KLRD1: variants seen among roughly 807,000 people sequenced by gnomAD.
KLRD1 encodes the protein natural killer cells antigen CD94.
In KLRD1, 21 loss-of-function variants were observed where a neutral mutation model predicts 22.6. The observed-to-expected ratio is 0.93, with a 90% CI of 0.66 to 1.34. The LOEUF (loss-of-function observed/expected upper bound fraction) is 1.34, where lower values mean the gene tolerates loss of function less well. Ranked by LOEUF, KLRD1 falls within the 40% of genes most tolerant of loss-of-function variation. The pLI is 0.00. For missense variants in KLRD1, 183 were observed against 208.6 expected (o/e 0.88, Z 0.76); for synonymous variants, 59 against 71.1 (o/e 0.83, Z 0.85).
intron 1 of KLRD1, among the ~76,000 whole-genome samples, chr12:10,254,908 A>C (rs1949380490): frequency 1.4e-5 from 2 of 145,692 alleles, no homozygotes; most frequent in South Asian, 4.4e-4. Flanking sequence ...AAATAAATTA[A>C]AAAAAAAAAA....
intron 1 of KLRD1, among the ~76,000 whole-genome samples, chr12:10,265,944 A>C (rs2137636964): frequency 6.6e-6 from 1 of 152,326 alleles, no homozygotes; most frequent in South Asian, 2.1e-4. Context: ...ATACTGTAAA[A>C]AGTGAAGAAC....
intron 1 of KLRD1, among the ~76,000 whole-genome samples, chr12:10,247,528 T>C (rs77365883): frequency 0.051 from 7,787 of 152,224 alleles, 675 homozygotes; most frequent in African/African-American, 0.17. Flanking sequence ...TTAAGACTTA[T>C]TCATTTTTAT....
At chr12:10,239,519 CTTTCTT>C in intron 1 of KLRD1, among the ~76,000 whole-genome samples, 1 of 7,718 alleles carries the variant, frequency 1.3e-4, no homozygotes, top group South Asian at 0.014. Flanking sequence ...CTTCCCTCCC[CTTTCTT>C]TCTTTCTTTC....
At chr12:10,254,617 G>A (rs994546272) in intron 1 of KLRD1, among the ~76,000 whole-genome samples, 1 of 151,938 alleles carries the variant, frequency 6.6e-6, no homozygotes, top group Non-Finnish European at 1.5e-5. Flanking sequence ...GGCTGGGCGT[G>A]GTGGCTCACA....
intron 1 of KLRD1, chr12:10,308,573 T>G (rs1949977271): frequency 6.4e-6 from 1 of 157,288 alleles, no homozygotes; most frequent in Non-Finnish European, 1.4e-5. Flanking sequence ...ATGTTTTAGG[T>G]GAAAGGCCTA....
At chr12:10,287,941 G>T (rs1055910331) in intron 1 of KLRD1, among the ~76,000 whole-genome samples, 1 of 151,958 alleles carries the variant, frequency 6.6e-6, no homozygotes, top group Non-Finnish European at 1.5e-5. Flanking sequence ...GGTGGCGGGC[G>T]CCTGTAGTCC....
intron 1 of KLRD1, among the ~76,000 whole-genome samples, chr12:10,259,117 A>G (rs546428424): frequency 6.6e-6 from 1 of 152,342 alleles, no homozygotes; most frequent in East Asian, 1.9e-4. Context: ...ATCCACCCTG[A>G]GTAACCCATG....
Position 10,321,548 on chromosome 12 carries a change from A to G in KLRD1, c.*6755A>G, listed in dbSNP as rs1356437062. The G allele has an allele frequency of 6.6e-6, 1 of 152,226 alleles. No individual in the cohort carries two copies. Among genetic ancestry groups the G allele is most frequent in the East Asian group, 1.9e-4 (1 of 5,202 alleles). The allele number at this position is 152,226 out of a possible 1,614,324, so 9.4% of individuals were successfully genotyped here. ...GAATTTAACCCTTTTGATATAATCAATTACATTGTATAAGGGTTGATCACT... is the reference window on the plus strand; with the variant it reads ...GAATTTAACCCTTTTGATATAATCAGTTACATTGTATAAGGGTTGATCACT... On this transcript the variant is annotated 3_prime_UTR_variant, in exon 6 of 6. Transcript: ENST00000336164.
At chr12:10,264,020 A>G (rs894792161) in intron 1 of KLRD1, among the ~76,000 whole-genome samples, 2 of 152,132 alleles carry the variant, frequency 1.3e-5, no homozygotes, top group African/African-American at 4.8e-5. Flanking sequence ...TTCAAAATGA[A>G]CTAATGAGAA....
rs1417744923 is a variant in KLRD1, at chr12:10,315,571, G to GT, written c.*782dup. On this transcript the variant is annotated 3_prime_UTR_variant, in exon 6 of 6. Transcript: ENST00000336164. ...ATTGCACTTTCTGGAGATTTGTAAT[G>GT]TTTTGGTTTTGTTGTCCATGTGACT... 6.5e-6 allele frequency: 1 copy of GT among 153,912 alleles called. No individual in the cohort carries two copies. Among genetic ancestry groups the GT allele is most frequent in the Non-Finnish European group, 1.4e-5 (1 of 69,156 alleles). The allele number at this position is 153,912 out of a possible 1,614,324, so 9.5% of individuals were successfully genotyped here. A position where few individuals can be genotyped will look rare whatever the true frequency, so the allele number is the denominator to read the frequency against.
chr12:10,244,168 A>G (rs1007068020), intron 1 of KLRD1, among the ~76,000 whole-genome samples: 3 of 152,114 alleles, frequency 2.0e-5, no homozygotes, highest in Non-Finnish European at 2.9e-5. Context: ...TTGCAAGGGA[A>G]TTTAGAAAAA....
At chr12:10,288,168 A>G (rs1004453014) in intron 1 of KLRD1, among the ~76,000 whole-genome samples, 4 of 149,010 alleles carry the variant, frequency 2.7e-5, no homozygotes, top group Admixed American at 1.3e-4. Flanking sequence ...GCTGGAACCC[A>G]GGAGGTGGAG....
intron 3 of KLRD1, among the ~76,000 whole-genome samples, chr12:10,310,301 G>A (rs1044408193): frequency 1.3e-5 from 2 of 152,098 alleles, no homozygotes; most frequent in Admixed American, 1.3e-4. Flanking sequence ...TGTGTTATTA[G>A]TAGAGTCAGG....
chr12:10,252,460 C>T (rs560113663), intron 1 of KLRD1, among the ~76,000 whole-genome samples: 2 of 152,022 alleles, frequency 1.3e-5, no homozygotes, highest in Non-Finnish European at 2.9e-5. Flanking sequence ...GCTGTGATTG[C>T]GCTACTGTAC....
chr12:10,268,527 AT>A (rs1949520601), intron 1 of KLRD1, among the ~76,000 whole-genome samples: 1 of 152,206 alleles, frequency 6.6e-6, no homozygotes, highest in African/African-American at 2.4e-5. Flanking sequence ...GAGTTTACTT[AT>A]TGAACTGTTC....
upstream of KLRD1, among the ~76,000 whole-genome samples, chr12:10,306,308 C>T (rs955331647): frequency 3.6e-4 from 55 of 151,882 alleles, no homozygotes; most frequent in African/African-American, 1.3e-3. Flanking sequence ...AATATTTAAG[C>T]CTGGAGTTCT....
In KLRD1 at chr12:10,328,028, A is replaced by G. The variant is rs1456246224; in HGVS notation, c.*13235A>G. The G allele has an allele frequency of 1.3e-5, 2 of 152,062 alleles. No individual in the cohort carries two copies. Among genetic ancestry groups the G allele is most frequent in the African/African-American group, 2.4e-5 (1 of 41,412 alleles). 9.4% of individuals were successfully genotyped at this position (152,062 alleles called of 1,614,324 possible). The stretch of plus-strand genomic sequence containing the variant: ...GATAAATGCCACTTGCTTATGGCAT[A>G]TACTCCTTTTAGTGTACTGTTGAAT... On this transcript the variant is annotated 3_prime_UTR_variant, in exon 6 of 6. Coordinates refer to ENST00000336164, the MANE Select transcript of KLRD1 (RefSeq NM_002262.5).
At chr12:10,266,091 A>G (rs541801769) in intron 1 of KLRD1, among the ~76,000 whole-genome samples, 36 of 152,270 alleles carry the variant, frequency 2.4e-4, no homozygotes, top group Non-Finnish European at 4.7e-4. Flanking sequence ...TCTTGTTTCC[A>G]TAGCAACAGA....
chr12:10,275,384 T>C (rs1208779995), intron 1 of KLRD1, among the ~76,000 whole-genome samples: 1 of 152,210 alleles, frequency 6.6e-6, no homozygotes, highest in African/African-American at 2.4e-5. Flanking sequence ...TATTTTCTCC[T>C]GCTAGGTGAC....
Sources: allele counts gnomAD v4.1 joint callset (sites outside exome capture counted in the v4.1 genomes callset), GRCh38; gene constraint gnomAD v4.1.1; transcripts MANE v1.5; gene names NCBI Gene and HGNC (gene_info 2026-07-23, HGNC 2026-07-21).